The following CNBD1 variants were observed in gnomAD, a reference collection of about 807,000 sequenced individuals.
CNBD1 encodes cyclic nucleotide-binding domain-containing protein 1.
In CNBD1, 71 loss-of-function variants were observed where a neutral mutation model predicts 54.4. The observed-to-expected ratio is 1.30, with a 90% confidence interval of 1.08 to 1.59. CNBD1 has a LOEUF of 1.59. Among genes scored for constraint, CNBD1 ranks in the 40% most tolerant of loss-of-function variants. The pLI is 0.00. For missense variants in CNBD1, 659 were observed against 518.0 expected (o/e 1.27, Z -2.64); for synonymous variants, 182 against 170.7 (o/e 1.07, Z -0.51).
chr8:87,079,598 T>C (rs952913331), intron 4 of CNBD1, among the ~76,000 whole-genome samples: 2 of 152,128 alleles, frequency 1.3e-5, no homozygotes, highest in Non-Finnish European at 2.9e-5. Flanking sequence ...CGTGGACATA[T>C]TGACATTTGT....
chr8:87,348,268 A>C (rs933776358), intron 8 of CNBD1, among the ~76,000 whole-genome samples: 2 of 152,166 alleles, frequency 1.3e-5, no homozygotes, highest in Non-Finnish European at 2.9e-5. Flanking sequence ...ATCTATATTT[A>C]TCTGCAAATA....
At chr8:87,009,734 G>A (rs1270141826) in intron 4 of CNBD1, among the ~76,000 whole-genome samples, 3 of 151,970 alleles carry the variant, frequency 2.0e-5, no homozygotes, top group Non-Finnish European at 4.4e-5. Flanking sequence ...TTCTTCTGCC[G>A]GAAGAACTTT....
chr8:87,131,443 A>AT (rs774912142), intron 4 of CNBD1, among the ~76,000 whole-genome samples: 1 of 152,004 alleles, frequency 6.6e-6, no homozygotes, highest in South Asian at 2.1e-4. Flanking sequence ...CATATAGGTC[A>AT]TTTTTTCTCA....
At chr8:87,286,465 C>G (rs879021181) in intron 7 of CNBD1, 74 bp from the exon 8 acceptor site, 1 of 870,928 alleles carries the variant, frequency 1.1e-6, no homozygotes, top group Non-Finnish European at 1.8e-6. Context: ...CTTCTCTCAC[C>G]ATTTATCTAT....
At chr8:87,424,714 T>G (rs1451279011) in intron 2 of CNBD1, among the ~76,000 whole-genome samples, 1 of 152,210 alleles carries the variant, frequency 6.6e-6, no homozygotes, top group East Asian at 1.9e-4. Flanking sequence ...GGGCTTCCCT[T>G]TGAGGGGAAC....
chr8:86,917,722 A>T (rs1393491472), intron 3 of CNBD1, among the ~76,000 whole-genome samples: 2 of 152,312 alleles, frequency 1.3e-5, no homozygotes, highest in East Asian at 3.9e-4. Flanking sequence ...CCACTCTGCA[A>T]CAGGAACATG....
At chr8:87,221,633 A>T (rs1473989828) in intron 5 of CNBD1, among the ~76,000 whole-genome samples, 1 of 152,100 alleles carries the variant, frequency 6.6e-6, no homozygotes, top group African/African-American at 2.4e-5. Context: ...TACTCATTTA[A>T]GGATGTTTGC....
chr8:87,236,826 T>G, intron 5 of CNBD1, 93 bp from the exon 6 acceptor site: 1 of 665,336 alleles, frequency 1.5e-6, no homozygotes, highest in Non-Finnish European at 2.4e-6. Flanking sequence ...AGAAATACGT[T>G]GAAAGTACCG....
chr8:87,071,616 G>T (rs2130652584), intron 4 of CNBD1, among the ~76,000 whole-genome samples: 1 of 152,204 alleles, frequency 6.6e-6, no homozygotes, highest in Non-Finnish European at 1.5e-5. Context: ...GAGGTAGGGT[G>T]GTGGTAGTGG....
intron 4 of CNBD1, among the ~76,000 whole-genome samples, chr8:87,193,267 A>G (rs1230888195): frequency 3.9e-5 from 6 of 152,190 alleles, no homozygotes; most frequent in African/African-American, 1.2e-4. Context: ...GAATGTGTAA[A>G]CTCAAACAGC....
At chr8:87,236,530 T>C (rs11781279) in intron 5 of CNBD1, among the ~76,000 whole-genome samples, 3,352 of 152,138 alleles carry the variant, frequency 0.022, 49 homozygotes, top group Non-Finnish European at 0.034. Flanking sequence ...TTATATAAAA[T>C]AGGAAAAATG....
At chr8:87,257,856 G>C (rs1023032879) in intron 6 of CNBD1, among the ~76,000 whole-genome samples, 1 of 152,044 alleles carries the variant, frequency 6.6e-6, no homozygotes, top group African/African-American at 2.4e-5. Context: ...ATTAATTTTT[G>C]TTCTACTTGG....
At chr8:87,340,941 AT>A (rs1216929188) in intron 8 of CNBD1, among the ~76,000 whole-genome samples, 2 of 151,286 alleles carry the variant, frequency 1.3e-5, no homozygotes, top group East Asian at 3.9e-4. Context: ...CAGTTTTCCC[AT>A]TTTTTTCATG....
intron 8 of CNBD1, among the ~76,000 whole-genome samples, chr8:87,303,678 C>T (rs1162360744): frequency 6.6e-6 from 1 of 150,674 alleles, no homozygotes; most frequent in African/African-American, 2.5e-5. Context: ...GCAAAAGAAA[C>T]TACCATCAGA....
At chr8:87,266,272 A>G (rs1477964242) in intron 6 of CNBD1, among the ~76,000 whole-genome samples, 11 of 151,742 alleles carry the variant, frequency 7.2e-5, no homozygotes, top group Non-Finnish European at 1.5e-4. Flanking sequence ...AGAATACACT[A>G]GATATCCCTA....
At chr8:87,286,364 A>C (rs1277141522) in intron 7 of CNBD1, among the ~76,000 whole-genome samples, 175 bp from the exon 8 acceptor site, 1 of 152,262 alleles carries the variant, frequency 6.6e-6, no homozygotes, top group African/African-American at 2.4e-5. Flanking sequence ...GAAGATTAAC[A>C]TTTTAATATG....
intron 4 of CNBD1, among the ~76,000 whole-genome samples, chr8:87,027,950 A>G (rs1202602797): frequency 6.6e-6 from 1 of 152,204 alleles, no homozygotes; most frequent in Non-Finnish European, 1.5e-5. Context: ...GATCAGCTGC[A>G]AACAAAAATT....
intron 8 of CNBD1, among the ~76,000 whole-genome samples, chr8:87,335,180 G>A (rs113496167): frequency 0.015 from 2,253 of 152,242 alleles, 54 homozygotes; most frequent in African/African-American, 0.048. Flanking sequence ...TGTATATTCT[G>A]TTCTTTTGTG....
chr8:87,285,011 C>T (rs1004689746), intron 7 of CNBD1, among the ~76,000 whole-genome samples, 196 bp downstream of exon 7: 4 of 151,966 alleles, frequency 2.6e-5, no homozygotes, highest in African/African-American at 9.7e-5. Flanking sequence ...ACAAAGGTCT[C>T]AATGAATATA....
Sources: gnomAD v4.1 joint callset for allele counts (sites outside exome capture counted in the v4.1 genomes callset) on GRCh38, gnomAD v4.1.1 for gene constraint, MANE v1.5 for transcripts, NCBI Gene and HGNC (gene_info 2026-07-23, HGNC 2026-07-21) for gene names.